The following AMN1 variants were observed in gnomAD, a reference collection of about 807,000 sequenced individuals.
AMN1 encodes antagonist of mitotic exit network 1 homolog.
Under a neutral mutation model 33.0 loss-of-function variants are expected in AMN1, and 20 were observed. The ratio of observed to expected loss-of-function variants is 0.61; its 90% CI spans 0.43 to 0.88. The LOEUF is 0.88. Ranked by LOEUF, AMN1 falls within the 40% of genes least tolerant of loss-of-function variation. The pLI, the probability that AMN1 is intolerant of heterozygous loss-of-function variation, is 0.00. For missense variants in AMN1, 246 were observed against 307.4 expected (o/e 0.80, Z 1.49); for synonymous variants, 114 against 111.9 (o/e 1.02, Z -0.12).
intron 1 of AMN1, among the ~76,000 whole-genome samples, chr12:31,710,263 C>T (rs1482709909): frequency 6.6e-6 from 1 of 151,986 alleles, no homozygotes; most frequent in Non-Finnish European, 1.5e-5. Context: ...ATCTTATGAC[C>T]AACATATCTT....
chr12:31,709,054 T>C (rs376308150), intron 2 of AMN1: 1 of 545,532 alleles, frequency 1.8e-6, no homozygotes, highest in African/African-American at 1.9e-5. Context: ...GGTGTACACC[T>C]ATAGTCCCAA....
chr12:31,693,268 G>A (rs768012382), intron 5 of AMN1, among the ~76,000 whole-genome samples: 8 of 151,884 alleles, frequency 5.3e-5, no homozygotes, highest in Non-Finnish European at 8.8e-5. Flanking sequence ...ATGGAGTTTC[G>A]CTCTTGTTGC....
In AMN1 at chr12:31,697,843, T is replaced by A. The variant is rs1938802624; in HGVS notation, c.431A>T (p.Lys144Met). Reference protein sequence around the residue: ...VALALNCQLLKIIDLGGCLSI... With the variant: ...VALALNCQLLMIIDLGGCLSI... Reference sequence around the variant, plus strand: ...TAAGCAGCCACCTAAATCGATGATCTTTAGCAGCTGGCAATTGAGTGCAAG... The same window carrying A: ...TAAGCAGCCACCTAAATCGATGATCATTAGCAGCTGGCAATTGAGTGCAAG... The change falls in exon 4 of 7, where the codon AAG becomes ATG. Residue 144 changes from lysine (K) to methionine (M), a missense_variant. By Grantham distance (95) the Lys-to-Met change is moderately conservative. Coordinates refer to ENST00000281471, the MANE Select transcript of AMN1 (RefSeq NM_001113402.2). 1 of 1,614,040 alleles carries A rather than the reference T, an allele frequency of 6.2e-7. No individual in the cohort carries two copies. The highest frequency in any genetic ancestry group is 1.3e-5 in the African/African-American group (1 of 75,072).
chr12:31,712,481 C>T (rs972896646), intron 1 of AMN1, among the ~76,000 whole-genome samples: 1 of 152,104 alleles, frequency 6.6e-6, no homozygotes, highest in Non-Finnish European at 1.5e-5. Flanking sequence ...CTCTTGACCT[C>T]GTGATCTGCC....
rs1315908658 is a variant in AMN1 at position 31,683,748 on chromosome 12, A to G, written c.703+5259T>C. Among the ~76,000 whole-genome samples, 2 of 152,114 alleles carry G rather than the reference A, an allele frequency of 1.3e-5. No individual in the cohort carries two copies. The highest frequency in any genetic ancestry group is 4.8e-5 in the African/African-American group (2 of 41,432). ...GAGTCCATTAAACCTCTTTTTCTTT[A>G]TAAGTTACCCAGTCTTGGGTATGTC... is the stretch of plus-strand genomic sequence containing the variant. On this transcript the variant is annotated intron_variant, in intron 6 of 6. Coordinates refer to ENST00000281471, the MANE Select transcript of AMN1 (RefSeq NM_001113402.2). The surrounding 1 kb of genome is among the most constrained non-coding windows in gnomAD (Gnocchi z 4.1).
At chr12:31,710,240 G>A (rs1210349543) in intron 1 of AMN1, among the ~76,000 whole-genome samples, 1 of 151,978 alleles carries the variant, frequency 6.6e-6, no homozygotes, top group South Asian at 2.1e-4. Flanking sequence ...GAGTTATCAG[G>A]CAACAACCAA....
chr12:31,721,631 C>T (rs1293508424), intron 1 of AMN1, among the ~76,000 whole-genome samples: 1 of 152,162 alleles, frequency 6.6e-6, no homozygotes, highest in East Asian at 1.9e-4. Flanking sequence ...CAAAGTTTGC[C>T]AATATCTGCC....
At chr12:31,701,095 G>C (rs1565773582) in intron 3 of AMN1, among the ~76,000 whole-genome samples, 1 of 151,690 alleles carries the variant, frequency 6.6e-6, no homozygotes, top group South Asian at 2.1e-4. Flanking sequence ...CACCTCCTAG[G>C]TTCAAGCGAT....
intron 2 of AMN1, 60 bp downstream of exon 2, chr12:31,709,233 T>C: frequency 1.3e-6 from 2 of 1,580,282 alleles, no homozygotes; most frequent in Non-Finnish European, 1.7e-6. Context: ...TCCAAAAATC[T>C]AAAACCATAT....
chr12:31,716,570 G>A (rs1939683702), intron 1 of AMN1, among the ~76,000 whole-genome samples: 1 of 152,114 alleles, frequency 6.6e-6, no homozygotes, highest in African/African-American at 2.4e-5. Flanking sequence ...ATGCAATGTG[G>A]CATTAAATTG....
At chr12:31,716,361 TGA>T (rs1182665473) in intron 1 of AMN1, among the ~76,000 whole-genome samples, 1 of 152,226 alleles carries the variant, frequency 6.6e-6, no homozygotes, top group Non-Finnish European at 1.5e-5. Flanking sequence ...GTGTTTCAAC[TGA>T]GTGTATATAT....
chr12:31,684,329 G>T (rs1204619409), intron 6 of AMN1, among the ~76,000 whole-genome samples: 1 of 152,142 alleles, frequency 6.6e-6, no homozygotes, highest in African/African-American at 2.4e-5. Flanking sequence ...GAAAAGTGAT[G>T]ATCTGAATGA....
At chr12:31,690,447 C>T (rs1475027037) in intron 5 of AMN1, among the ~76,000 whole-genome samples, 1 of 152,052 alleles carries the variant, frequency 6.6e-6, no homozygotes, top group African/African-American at 2.4e-5. Context: ...TTATTATGGC[C>T]ATTCTTGCAG....
chr12:31,714,270 ATTCCC>A (rs1339015344), intron 1 of AMN1, among the ~76,000 whole-genome samples: 1 of 152,128 alleles, frequency 6.6e-6, no homozygotes, highest in Non-Finnish European at 1.5e-5. Flanking sequence ...GGATCTTAAG[ATTCCC>A]TCTAAATTGT....
rs191267015 is a variant in AMN1 at position 31,687,852 on chromosome 12, G to A, written c.703+1155C>T. On this transcript the variant is annotated intron_variant, in intron 6 of 6. Transcript: ENST00000281471. The surrounding 1 kb of genome is among the most constrained non-coding windows in gnomAD (Gnocchi z 4.1). The stretch of plus-strand genomic sequence containing the variant: ...AAGGGTGCCATGGTTTCTAGGGTAG[G>A]AGGATATATACCATGGCTCTTATAC... 1.3e-3 allele frequency among the ~76,000 whole-genome samples: 204 copies of A among 152,264 alleles called. No individual in the cohort carries two copies. Among genetic ancestry groups the A allele is most frequent in the Non-Finnish European group, 2.2e-3 (152 of 68,028 alleles).
chr12:31,715,265 A>G (rs75718391), intron 1 of AMN1: 2,132 of 164,396 alleles, frequency 0.013, 21 homozygotes, highest in Middle Eastern at 0.046. Context: ...GGAGCAAAAA[A>G]TAAAATGACA....
chr12:31,722,130 G>GACACACACACACACACAC (rs57266162), intron 1 of AMN1, among the ~76,000 whole-genome samples: 3 of 144,066 alleles, frequency 2.1e-5, no homozygotes, highest in African/African-American at 7.9e-5. Context: ...TCAGGCCTTT[G>GACACACACACACACACAC]ACACACACAC....
rs778692281 is a variant in AMN1, at chr12:31,672,421, ATGT to A, written c.704-47_704-45del. On this transcript the variant is annotated intron_variant, in intron 6 of 6. Coordinates refer to ENST00000281471, the MANE Select transcript of AMN1 (RefSeq NM_001113402.2). ...ACAATATATTAATTGACAATAAAAA[ATGT>A]TTAATGTTTCCTCATGTCTAACTGG... 301 of 1,337,342 alleles carry A rather than the reference ATGT, an allele frequency of 2.3e-4. 1 individual carries two copies. The highest frequency in any genetic ancestry group is 2.9e-4 in the Non-Finnish European group (279 of 952,810). The allele number at this position is 1,337,342 out of a possible 1,614,324, so 82.8% of individuals were successfully genotyped here.
intron 1 of AMN1, among the ~76,000 whole-genome samples, chr12:31,719,882 AAT>A (rs1342691430): frequency 1.1e-4 from 17 of 152,230 alleles, no homozygotes; most frequent in Non-Finnish European, 4.4e-5. Flanking sequence ...AATGAATTAC[AAT>A]ATAGTTATAC....
Sources: gnomAD v4.1 joint callset for allele counts (sites outside exome capture counted in the v4.1 genomes callset) on GRCh38, gnomAD v4.1.1 for gene constraint, Gnocchi (gnomAD v3.1) non-coding constraint, MANE v1.5 for transcripts, NCBI Gene and HGNC (gene_info 2026-07-23, HGNC 2026-07-21) for gene names.